Variants in KALRN observed in about 807,000 individuals in gnomAD.
KALRN encodes the protein kalirin.
A neutral mutation model predicts 353.7 loss-of-function variants in KALRN; 70 were observed. The observed-to-expected ratio is 0.20, with a 90% CI of 0.16 to 0.24. The LOEUF (loss-of-function observed/expected upper bound fraction) is 0.24. Among genes scored for constraint, KALRN ranks in the 10% least tolerant of loss-of-function variants. The pLI, the probability that KALRN is intolerant of heterozygous loss-of-function variation, is 1.00. For synonymous variants in KALRN, 1,391 were observed against 1,434.8 expected (o/e 0.97, Z 0.69); for missense variants, 2,791 against 3,756.7 (o/e 0.74, Z 6.72).
intron 59 of KALRN, among the ~76,000 whole-genome samples, chr3:124,718,345 A>T (rs1053507655): frequency 7.4e-5 from 11 of 148,668 alleles, no homozygotes; most frequent in East Asian, 4.0e-4. Flanking sequence ...ATGGTCTCGA[A>T]CTCCTGACCT....
At chr3:124,188,870 C>T (rs139779317) in intron 1 of KALRN, among the ~76,000 whole-genome samples, 6 of 152,290 alleles carry the variant, frequency 3.9e-5, no homozygotes, top group African/African-American at 1.4e-4. Context: ...CCAAGTCCCA[C>T]AGTAGCAATG....
intron 6 of KALRN, among the ~76,000 whole-genome samples, chr3:124,323,781 G>A (rs2079587689): frequency 6.6e-6 from 1 of 152,202 alleles, no homozygotes; most frequent in Admixed American, 6.5e-5. Context: ...TCTGGGTAAG[G>A]TGGCAGGGGC....
At chr3:124,250,127 G>A (rs921465865) in intron 3 of KALRN, among the ~76,000 whole-genome samples, 9 of 152,304 alleles carry the variant, frequency 5.9e-5, no homozygotes, top group African/African-American at 1.2e-4. Context: ...ATGTGTCTGC[G>A]TGCTGCAGGC....
intron 39 of KALRN, among the ~76,000 whole-genome samples, chr3:124,656,495 C>T (rs1174979886): frequency 3.9e-5 from 6 of 152,120 alleles, no homozygotes; most frequent in Non-Finnish European, 8.8e-5. Context: ...CCTGTAGTCC[C>T]AGCTACTCAG....
intron 29 of KALRN, 86 bp downstream of exon 29, chr3:124,488,401 T>TA: frequency 1.1e-6 from 1 of 888,412 alleles, no homozygotes; most frequent in Non-Finnish European, 1.9e-6. Flanking sequence ...GGCATGAAGT[T>TA]AGACAAGGTG....
intron 1 of KALRN, among the ~76,000 whole-genome samples, chr3:124,112,177 C>T (rs1463117557): frequency 6.6e-6 from 1 of 151,958 alleles, no homozygotes; most frequent in African/African-American, 2.4e-5. Flanking sequence ...GTGGTGCACA[C>T]CTGTAGTCCC....
At chr3:124,622,930 A>ACT (rs2149705102) in intron 34 of KALRN, among the ~76,000 whole-genome samples, 2 of 151,926 alleles carry the variant, frequency 1.3e-5, no homozygotes, top group South Asian at 4.2e-4. Flanking sequence ...GGGGAGTAGC[A>ACT]TTTTTTTTAG....
chr3:124,103,044 G>T (rs927297506), intron 1 of KALRN, among the ~76,000 whole-genome samples: 1 of 152,182 alleles, frequency 6.6e-6, no homozygotes, highest in African/African-American at 2.4e-5. Context: ...CCGGACTCCT[G>T]TCTAGGATGG....
chr3:124,717,227 C>T lies in KALRN; in HGVS notation c.8277-20C>T. On this transcript the variant is annotated intron_variant, in intron 58 of 59. Coordinates refer to ENST00000682506, the MANE Select transcript of KALRN (RefSeq NM_001388419.1). ...TTCATTTCAAACATATTTCCTTTGC[C>T]TTTCCCTGCCTACTTTCAGGATGGA... 1 of 1,574,970 alleles carries T rather than the reference C, an allele frequency of 6.3e-7. No homozygotes were observed. Among genetic ancestry groups the T allele is most frequent in the Non-Finnish European group, 8.6e-7 (1 of 1,161,406 alleles).
intron 9 of KALRN, among the ~76,000 whole-genome samples, chr3:124,343,482 T>A (rs2081979204): frequency 6.6e-6 from 1 of 152,174 alleles, no homozygotes; most frequent in South Asian, 2.1e-4. Context: ...AATTTATAAC[T>A]GAAAATGAAA....
intron 5 of KALRN, among the ~76,000 whole-genome samples, chr3:124,284,036 A>C (rs1323064326): frequency 6.6e-6 from 1 of 152,164 alleles, no homozygotes; most frequent in Non-Finnish European, 1.5e-5. Flanking sequence ...CAGACATTTG[A>C]ATAGTTTGTG....
At chr3:124,293,259 A>G (rs2076573530) in intron 5 of KALRN, among the ~76,000 whole-genome samples, 1 of 152,246 alleles carries the variant, frequency 6.6e-6, no homozygotes, top group South Asian at 2.1e-4. Flanking sequence ...ATATGAACAT[A>G]TTTAATACCA....
chr3:124,145,620 C>T (rs889606247), intron 1 of KALRN, among the ~76,000 whole-genome samples: 9 of 152,226 alleles, frequency 5.9e-5, no homozygotes, highest in African/African-American at 2.2e-4. Flanking sequence ...ACATAAACGT[C>T]TACTGAGCAG....
At chr3:124,329,271 C>CT (rs2080254860) in intron 7 of KALRN, among the ~76,000 whole-genome samples, 2 of 152,196 alleles carry the variant, frequency 1.3e-5, no homozygotes, top group Non-Finnish European at 2.9e-5. Context: ...CAGCCTGTCC[C>CT]CCTAGACTGC....
Position 124,457,229 on chromosome 3 carries a change from C to T in KALRN, c.3854+501C>T, listed in dbSNP as rs191019971. Among the ~76,000 whole-genome samples the T allele has an allele frequency of 2.9e-3, 439 of 152,232 alleles. 1 individual carries two copies. The highest frequency in any genetic ancestry group is 4.9e-3 in the Non-Finnish European group (333 of 68,024). ...GGATTACAGGTGTGCGCCACCATGC[C>T]TAGCTAATTTTTGTATTTTTAATAG... On this transcript the variant is annotated intron_variant, in intron 23 of 59. Coordinates refer to ENST00000682506, the MANE Select transcript of KALRN (RefSeq NM_001388419.1).
chr3:124,637,794 C>T (rs2081531045), intron 37 of KALRN, among the ~76,000 whole-genome samples: 1 of 152,268 alleles, frequency 6.6e-6, no homozygotes, highest in South Asian at 2.1e-4. Context: ...GGATACCTCA[C>T]CACAATAAAT....
At chr3:124,169,161 T>C (rs1312125628) in intron 1 of KALRN, among the ~76,000 whole-genome samples, 3 of 152,166 alleles carry the variant, frequency 2.0e-5, no homozygotes, top group Admixed American at 6.5e-5. Flanking sequence ...GAACACATAG[T>C]GGTGGAAGGC....
At chr3:124,710,406 A>C (rs1463401029) in intron 57 of KALRN, among the ~76,000 whole-genome samples, 1 of 152,202 alleles carries the variant, frequency 6.6e-6, no homozygotes, top group Non-Finnish European at 1.5e-5. Context: ...TGAAAAATCA[A>C]GAAGTAGCCA....
chr3:124,106,363 T>A (rs558444231), intron 1 of KALRN, among the ~76,000 whole-genome samples: 3 of 152,334 alleles, frequency 2.0e-5, no homozygotes, highest in Non-Finnish European at 2.9e-5. Context: ...GATAGGTGCT[T>A]ACTGCTTCAT....
Sources: allele counts gnomAD v4.1 joint callset (sites outside exome capture counted in the v4.1 genomes callset), GRCh38; gene constraint gnomAD v4.1.1; transcripts MANE v1.5; gene names NCBI Gene and HGNC (gene_info 2026-07-23, HGNC 2026-07-21).